UBE2D4: variants seen among roughly 807,000 people sequenced by gnomAD.
The protein encoded by UBE2D4 is ubiquitin-conjugating enzyme E2 D4.
In UBE2D4, 17 loss-of-function variants were observed where a neutral mutation model predicts 23.0. That is an observed-to-expected ratio of 0.74 (90% CI 0.51 to 1.11). The LOEUF is 1.11. UBE2D4 is among the 50% of genes least tolerant of loss of function. UBE2D4 has a pLI of 0.00. For missense variants in UBE2D4, 139 were observed against 181.8 expected (o/e 0.76, Z 1.35); for synonymous variants, 61 against 69.4 (o/e 0.88, Z 0.60).
At chr7:43,933,889 A>C (rs1273636877) in intron 1 of UBE2D4, among the ~76,000 whole-genome samples, 1 of 152,186 alleles carries the variant, frequency 6.6e-6, no homozygotes, top group Non-Finnish European at 1.5e-5. Flanking sequence ...ACCTTCACTT[A>C]GATGTCACTA....
intron 1 of UBE2D4, among the ~76,000 whole-genome samples, chr7:43,931,346 G>T (rs2095944953): frequency 1.3e-5 from 2 of 152,090 alleles, no homozygotes; most frequent in Admixed American, 1.3e-4. Flanking sequence ...GGTGGCTGAG[G>T]TGGAAGGATC....
rs2095985438 is a variant in UBE2D4, at chr7:43,945,848, T to C, written c.199-2784T>C. Among the ~76,000 whole-genome samples the C allele has an allele frequency of 2.1e-5, 3 of 146,212 alleles. 1 individual carries two copies. Among genetic ancestry groups the C allele is most frequent in the South Asian group, 4.4e-4 (2 of 4,524 alleles). ...CCCAGGCTGGAGTGCAGTGGCGTGA[T>C]CTCGGCTCACTGCAACCTCTGCCTC... is the stretch of plus-strand genomic sequence containing the variant. On this transcript the variant is annotated intron_variant, in intron 4 of 6. Coordinates refer to ENST00000222402, the MANE Select transcript of UBE2D4 (RefSeq NM_015983.4).
chr7:43,942,834 T>G lies in UBE2D4; in HGVS notation c.97T>G (p.Trp33Gly). 1 of 1,614,228 alleles carries G rather than the reference T, an allele frequency of 6.2e-7. No individual in the cohort carries two copies. The highest frequency in any genetic ancestry group is 1.3e-5 in the African/African-American group (1 of 75,060). The change falls in exon 3 of 7, where the codon TGG becomes GGG. Residue 33 changes from tryptophan (W) to glycine (G), a missense_variant. Coordinates refer to ENST00000222402, the MANE Select transcript of UBE2D4 (RefSeq NM_015983.4). ...AGPVGDDLFH[W>G]QATIMGPNDS... is the part of the protein sequence containing the mutation. ...TCTCTTTTGTTTTGTAGTGTTCCAC[T>G]GGCAGGCCACCATCATGGGCCCGGT...
At position 43,926,445 on chromosome 7, in the gene UBE2D4, G is replaced by A. The variant is rs1395603884; in HGVS notation, c.-88G>A. The A allele has an allele frequency of 3.3e-6, 4 of 1,218,966 alleles. No homozygotes were observed. The highest frequency in any genetic ancestry group is 4.2e-6 in the Non-Finnish European group (4 of 944,856). The allele number at this position is 1,218,966 out of a possible 1,614,324, so 75.5% of individuals were successfully genotyped here. A position where few individuals can be genotyped will look rare whatever the true frequency, so the allele number is the denominator to read the frequency against. Reference sequence around the variant, plus strand: ...CGCGCAAGCGCAGGCTGCGGCTCCCGGCGTGCAGCTTGGTGGCGGCTGAGC... The same window carrying A: ...CGCGCAAGCGCAGGCTGCGGCTCCCAGCGTGCAGCTTGGTGGCGGCTGAGC... On this transcript the variant is annotated 5_prime_UTR_variant, in exon 1 of 7. Coordinates refer to ENST00000222402, the MANE Select transcript of UBE2D4 (RefSeq NM_015983.4).
chr7:43,954,870 G>C lies in UBE2D4; in HGVS notation c.*2175G>C, dbSNP rs1263765390. 6.6e-6 allele frequency: 1 copy of C among 152,150 alleles called. No individual in the cohort carries two copies. The highest frequency in any genetic ancestry group is 2.4e-5 in the African/African-American group (1 of 41,444). 9.4% of individuals were successfully genotyped at this position (152,150 alleles called of 1,614,324 possible). ...AAAATTAAGGCCCAACTTGGTGTTGGGGAATAACCATACTCTGGTCTTTCA... is the reference window on the plus strand; with the variant it reads ...AAAATTAAGGCCCAACTTGGTGTTGCGGAATAACCATACTCTGGTCTTTCA... On this transcript the variant is annotated 3_prime_UTR_variant, in exon 7 of 7. Coordinates refer to ENST00000222402, the MANE Select transcript of UBE2D4 (RefSeq NM_015983.4).
Position 43,938,489 on chromosome 7 carries a change from A to G in UBE2D4, c.83A>G (p.Asp28Gly), listed in dbSNP as rs753313004. Residue 28 changes from aspartate (D) to glycine (G), a missense_variant, in exon 2 of 7, where the codon GAT (aspartate) becomes GGT (glycine). Coordinates refer to ENST00000222402, the MANE Select transcript of UBE2D4 (RefSeq NM_015983.4). ...PAQCSAGPVG[D>G]DLFHWQATIM... ...CAGTGTTCTGCAGGACCTGTCGGTG[A>G]TGACTGTAAGTATTTTGGGGGGCTT... is the stretch of plus-strand genomic sequence containing the variant. 3.1e-6 allele frequency: 5 copies of G among 1,614,104 alleles called. No homozygotes were observed. In the South Asian group the frequency reaches 5.5e-5, roughly 18 times the overall value.
chr7:43,929,597 G>A (rs1414575584), intron 1 of UBE2D4, among the ~76,000 whole-genome samples: 1 of 152,078 alleles, frequency 6.6e-6, no homozygotes, highest in African/African-American at 2.4e-5. Flanking sequence ...CAACCAGAGT[G>A]AGACCCTGTC....
At chr7:43,934,075 A>T (rs2095953075) in intron 1 of UBE2D4, among the ~76,000 whole-genome samples, 1 of 152,240 alleles carries the variant, frequency 6.6e-6, no homozygotes, top group African/African-American at 2.4e-5. Flanking sequence ...AGTAAATTTC[A>T]TAATAAGGGA....
Position 43,955,736 on chromosome 7 carries a change from A to C in UBE2D4, c.*3041A>C, listed in dbSNP as rs921628104. On this transcript the variant is annotated 3_prime_UTR_variant, in exon 7 of 7. Coordinates refer to ENST00000222402, the MANE Select transcript of UBE2D4 (RefSeq NM_015983.4). ...GGAACCCTAAGATTAGCATAGAGCC[A>C]CTCATCTCTCCTCCCCTCCCCACCC... The C allele has an allele frequency of 6.6e-6, 1 of 152,094 alleles. No individual in the cohort carries two copies. Among genetic ancestry groups the C allele is most frequent in the African/African-American group, 2.4e-5 (1 of 41,388 alleles). The allele number at this position is 152,094 out of a possible 1,614,324, so 9.4% of individuals were successfully genotyped here.
intron 1 of UBE2D4, among the ~76,000 whole-genome samples, chr7:43,926,946 G>A (rs1045069792): frequency 1.3e-5 from 2 of 152,232 alleles, no homozygotes; most frequent in African/African-American, 4.8e-5. Context: ...AGGGGAAAAG[G>A]CTTTCCCTGC....
At chr7:43,927,634 C>T (rs533647533) in intron 1 of UBE2D4, among the ~76,000 whole-genome samples, 4 of 152,212 alleles carry the variant, frequency 2.6e-5, no homozygotes, top group Non-Finnish European at 4.4e-5. Context: ...TAACTTTCCA[C>T]AAGTACATGA....
intron 2 of UBE2D4, chr7:43,941,169 A>C (rs1435273698): frequency 6.6e-6 from 1 of 152,214 alleles, no homozygotes; most frequent in Admixed American, 6.5e-5. Flanking sequence ...ACTCTGGGCT[A>C]ATTCCATATC....
chr7:43,927,505 AT>A (rs1200956756), intron 1 of UBE2D4, among the ~76,000 whole-genome samples: 1 of 151,878 alleles, frequency 6.6e-6, no homozygotes, highest in Non-Finnish European at 1.5e-5. Flanking sequence ...GTGTCTCGAT[AT>A]GTTGCCCAGG....
chr7:43,947,067 C>T (rs1166185038), intron 4 of UBE2D4: 3 of 152,034 alleles, frequency 2.0e-5, no homozygotes, highest in Non-Finnish European at 4.4e-5. Context: ...TGTGATGTTC[C>T]CCGCCCTGTG....
intron 4 of UBE2D4, 181 bp downstream of exon 4, chr7:43,943,212 G>A: frequency 3.1e-6 from 2 of 648,862 alleles, no homozygotes; most frequent in East Asian, 2.7e-5. Context: ...ATTAGCACCT[G>A]TTGTGATCAA....
At chr7:43,930,354 C>A (rs57947974) in intron 1 of UBE2D4, among the ~76,000 whole-genome samples, 18,993 of 152,132 alleles carry the variant, frequency 0.12, 1,276 homozygotes, top group Admixed American at 0.18. Flanking sequence ...CCCTTAGTTT[C>A]CAATCCACAG....
Position 43,940,862 on chromosome 7 carries a change from C to T in UBE2D4, c.89-1964C>T, listed in dbSNP as rs1253387304. ...ATGTCTACTTTCAACTAACGATTAG[C>T]ATGAATTGGAATAAAAACAGTCAAA... On this transcript the variant is annotated intron_variant, in intron 2 of 6. Transcript: ENST00000222402. 5 of 149,538 alleles carry T rather than the reference C, an allele frequency of 3.3e-5. No individual in the cohort carries two copies. The East Asian group carries it at 9.8e-4, about 29-fold the overall frequency. 9.3% of individuals were successfully genotyped at this position (149,538 alleles called of 1,614,324 possible). A position where few individuals can be genotyped will look rare whatever the true frequency, so the allele number is the denominator to read the frequency against.
chr7:43,947,628 T>C (rs2095991162), intron 4 of UBE2D4, among the ~76,000 whole-genome samples: 1 of 152,268 alleles, frequency 6.6e-6, no homozygotes, highest in African/African-American at 2.4e-5. Context: ...CTATTGTGAA[T>C]AGTGCCGCAA....
intron 1 of UBE2D4, 125 bp downstream of exon 1, chr7:43,926,681 G>A (rs2095931649): frequency 4.7e-6 from 5 of 1,064,840 alleles, no homozygotes; most frequent in South Asian, 3.8e-5. Context: ...TGCCTGGGAA[G>A]GAGGCAGAAC....
Sources: gnomAD v4.1 joint callset for allele counts (sites outside exome capture counted in the v4.1 genomes callset) on GRCh38, gnomAD v4.1.1 for gene constraint, MANE v1.5 for transcripts, NCBI Gene and HGNC (gene_info 2026-07-23, HGNC 2026-07-21) for gene names.